TRANK1: variants seen among roughly 807,000 people sequenced by gnomAD.
TRANK1 encodes the protein TPR and ankyrin repeat-containing protein 1.
In TRANK1, 198 loss-of-function variants were observed where a neutral mutation model predicts 266.0. The ratio of observed to expected loss-of-function variants is 0.74; its 90% CI spans 0.66 to 0.84. The LOEUF (loss-of-function observed/expected upper bound fraction) is 0.84. TRANK1 is among the 40% of genes least tolerant of loss of function. The probability of loss-of-function intolerance (pLI) is 0.00; values close to 1 mark genes in which losing one functional copy is unlikely to be tolerated. For synonymous variants in TRANK1, 1,396 were observed against 1,384.1 expected (o/e 1.01, Z -0.19); for missense variants, 3,326 against 3,634.6 (o/e 0.92, Z 2.18).
At chr3:36,834,558 C>T (rs2078741423) in intron 21 of TRANK1, 1 of 529,020 alleles carries the variant, frequency 1.9e-6, no homozygotes, top group Non-Finnish European at 3.3e-6. Context: ...TGTGACACTG[C>T]ATCAAAGCTT....
In TRANK1 at chr3:36,889,844, C is replaced by G; in HGVS notation, c.892G>C (p.Gly298Arg). 6.5e-7 allele frequency: 1 copy of G among 1,536,938 alleles called. No homozygotes were observed. Among genetic ancestry groups the G allele is most frequent in the Non-Finnish European group, 8.7e-7 (1 of 1,146,764 alleles). Residue 298 changes from glycine to arginine, a missense_variant, in exon 8 of 24, where the codon GGA becomes CGA. Transcript: ENST00000645898. The part of the protein sequence containing the change: ...VLHVVAAHSP[G>R]YLVKRQTEDV... ...CACTACTCACGCTTAACGAGGTATC[C>G]TGGGGAGTGGGCAGCGACGACGTGC...
At position 36,879,938 on chromosome 3, in the gene TRANK1, G is replaced by A. The variant is rs1442562176; in HGVS notation, c.908-5642C>T. On this transcript the variant is annotated intron_variant, in intron 8 of 23. Coordinates refer to ENST00000645898, the MANE Select transcript of TRANK1 (RefSeq NM_001329998.2). ...AATATATGTAAACATGCAAATATAT[G>A]TAAACATGCAAATATATGTAAACAT... 7.8e-3 allele frequency among the ~76,000 whole-genome samples: 96 copies of A among 12,364 alleles called. 13 individuals carry two copies. The highest frequency in any genetic ancestry group is 8.7e-3 in the Non-Finnish European group (63 of 7,216). 8.1% of individuals were successfully genotyped at this position (12,364 alleles called of 152,430 possible).
In TRANK1 at chr3:36,902,538, G is replaced by A. The variant is rs574136662; in HGVS notation, c.282+611C>T. On this transcript the variant is annotated intron_variant, in intron 3 of 23. Coordinates refer to ENST00000645898, the MANE Select transcript of TRANK1 (RefSeq NM_001329998.2). ...CCAAGAACAGTAAAGGTGCCATGAA[G>A]AGTGGCACTCAGGGCATTTCTGATG... Among the ~76,000 whole-genome samples the A allele has an allele frequency of 2.0e-5, 3 of 152,222 alleles. No individual in the cohort carries two copies. In the South Asian group the frequency reaches 6.2e-4, roughly 31 times the overall value.
chr3:36,861,585 T>C (rs1171432604), intron 10 of TRANK1, among the ~76,000 whole-genome samples: 1 of 152,148 alleles, frequency 6.6e-6, no homozygotes, highest in African/African-American at 2.4e-5. Flanking sequence ...GGATGGCTTA[T>C]CCCTTAATTC....
intron 8 of TRANK1, among the ~76,000 whole-genome samples, chr3:36,876,544 G>C (rs2079390835): frequency 6.6e-6 from 1 of 152,202 alleles, no homozygotes; most frequent in African/African-American, 2.4e-5. Context: ...GAAGGTTCTG[G>C]TGGCCTTAAC....
At chr3:36,859,430 T>C (rs1244136126) in intron 11 of TRANK1, among the ~76,000 whole-genome samples, 1 of 152,032 alleles carries the variant, frequency 6.6e-6, no homozygotes, top group Non-Finnish European at 1.5e-5. Context: ...ACCCCCCACC[T>C]CCTGACAGGC....
At position 36,847,177 on chromosome 3, in the gene TRANK1, G is replaced by A. The variant is rs2078926185; in HGVS notation, c.5034+23C>T. 6 of 1,606,974 alleles carry A rather than the reference G, an allele frequency of 3.7e-6. No individual in the cohort carries two copies. The Admixed American group carries it at 8.4e-5, about 22-fold the overall frequency. ...CACTACTTCCATGTCAAGTACATGT[G>A]TTGACAAATGGCAGAAATTCACCTT... On this transcript the variant is annotated intron_variant, in intron 16 of 23. Coordinates refer to ENST00000645898, the MANE Select transcript of TRANK1 (RefSeq NM_001329998.2).
Position 36,893,779 on chromosome 3 carries a change from T to A in TRANK1, c.553-795A>T, listed in dbSNP as rs2079745787. Among the ~76,000 whole-genome samples the A allele has an allele frequency of 2.0e-5, 3 of 152,286 alleles. No homozygotes were observed. In the South Asian group the frequency reaches 6.2e-4, roughly 32 times the overall value. On this transcript the variant is annotated intron_variant, in intron 5 of 23. Coordinates refer to ENST00000645898, the MANE Select transcript of TRANK1 (RefSeq NM_001329998.2). ...TATGACCATGACTGGAGACCCAGTC[T>A]CAGCTCCAGCCTCTCTCATGTATGG... is the stretch of plus-strand genomic sequence containing the variant.
intron 4 of TRANK1, among the ~76,000 whole-genome samples, chr3:36,897,086 G>A (rs1283246918): frequency 6.6e-6 from 1 of 152,174 alleles, no homozygotes; most frequent in African/African-American, 2.4e-5. Context: ...TGGATCACCT[G>A]AGGTTAGGAG....
At chr3:36,908,490 C>T (rs2080005940) in intron 1 of TRANK1, 36 bp from the exon 2 acceptor site, 8 of 1,232,172 alleles carry the variant, frequency 6.5e-6, no homozygotes, top group African/African-American at 1.5e-5. Context: ...GCTGCCAGAC[C>T]CGTGCAGGGC....
At chr3:36,942,051 T>C (rs113263921) in intron 1 of TRANK1, among the ~76,000 whole-genome samples, 1,703 of 152,218 alleles carry the variant, frequency 0.011, 20 homozygotes, top group South Asian at 0.038. Flanking sequence ...TCAGATCACT[T>C]TACCTTCCCC....
intron 2 of TRANK1, among the ~76,000 whole-genome samples, chr3:36,905,792 C>T (rs971437809): frequency 1.3e-5 from 2 of 152,296 alleles, no homozygotes; most frequent in South Asian, 4.1e-4. Flanking sequence ...GGTTTAGACA[C>T]CATCCCTGCT....
At chr3:36,896,494 G>T (rs140991089) in intron 4 of TRANK1, among the ~76,000 whole-genome samples, 2 of 152,330 alleles carry the variant, frequency 1.3e-5, no homozygotes, top group Admixed American at 6.5e-5. Context: ...TTTAGAAACT[G>T]GGCGACGCCA....
At chr3:36,911,056 G>A (rs936597102) in intron 1 of TRANK1, among the ~76,000 whole-genome samples, 7 of 151,854 alleles carry the variant, frequency 4.6e-5, no homozygotes, top group African/African-American at 9.7e-5. Context: ...GGTGACAAGC[G>A]CTAACTCCAT....
chr3:36,854,538 T>C (rs2079025836), intron 13 of TRANK1, among the ~76,000 whole-genome samples: 1 of 152,222 alleles, frequency 6.6e-6, no homozygotes, highest in Admixed American at 6.5e-5. Flanking sequence ...TTAGTATCTA[T>C]AAACCATAAA....
intron 5 of TRANK1, among the ~76,000 whole-genome samples, chr3:36,895,223 C>A (rs1404312711): frequency 1.3e-5 from 2 of 152,182 alleles, no homozygotes; most frequent in Non-Finnish European, 2.9e-5. Flanking sequence ...GGTCCTACAA[C>A]CTCACTTAGC....
chr3:36,913,641 T>C (rs1030852093), intron 1 of TRANK1, among the ~76,000 whole-genome samples: 1 of 152,184 alleles, frequency 6.6e-6, no homozygotes, highest in African/African-American at 2.4e-5. Flanking sequence ...TTTTGTTTTT[T>C]TCTTTTTTTC....
At chr3:36,910,582 A>T (rs1024639865) in intron 1 of TRANK1, among the ~76,000 whole-genome samples, 1 of 149,708 alleles carries the variant, frequency 6.7e-6, no homozygotes, top group Non-Finnish European at 1.5e-5. Context: ...TCTTCTAAAA[A>T]TACAAAAATC....
At chr3:36,916,635 C>T (rs1404684481) in intron 1 of TRANK1, among the ~76,000 whole-genome samples, 3 of 152,064 alleles carry the variant, frequency 2.0e-5, no homozygotes, top group Admixed American at 2.0e-4. Context: ...AGAAATAAGC[C>T]AATGTAAAAT....
Sources: allele counts gnomAD v4.1 joint callset (sites outside exome capture counted in the v4.1 genomes callset), GRCh38; gene constraint gnomAD v4.1.1; transcripts MANE v1.5; gene names NCBI Gene and HGNC (gene_info 2026-07-23, HGNC 2026-07-21).